NFIB: variants seen among roughly 807,000 people sequenced by gnomAD.
The protein encoded by NFIB is nuclear factor I B.
In NFIB, 11 loss-of-function variants were observed where a neutral mutation model predicts 61.5. The observed-to-expected ratio is 0.18, with a 90% CI of 0.11 to 0.30. NFIB has a LOEUF of 0.30. Ranked by LOEUF, NFIB falls within the 10% of genes least tolerant of loss-of-function variation. The pLI is 1.00. For synonymous variants in NFIB, 260 were observed against 216.5 expected (o/e 1.20, Z -1.76); for missense variants, 471 against 608.9 (o/e 0.77, Z 2.38).
intron 1 of NFIB, among the ~76,000 whole-genome samples, chr9:14,365,624 A>C (rs1310839923): frequency 6.6e-6 from 1 of 152,210 alleles, no homozygotes; most frequent in Non-Finnish European, 1.5e-5. Context: ...TCAGAAATAG[A>C]TTCTTATACC....
At chr9:14,424,717 G>A in the NFIB span, among the ~76,000 whole-genome samples, 25 of 152,282 alleles carry the variant, frequency 1.6e-4, no homozygotes, top group African/African-American at 6.0e-4. Flanking sequence ...TCCGAGGGCG[G>A]GTTCTTGACA....
the NFIB span, among the ~76,000 whole-genome samples, chr9:14,526,301 A>G: frequency 9.3e-3 from 1,411 of 152,310 alleles, 27 homozygotes; most frequent in African/African-American, 0.033. Flanking sequence ...TGTTTATTAC[A>G]TGATATGTTA....
At chr9:14,216,540 CTCCCTCTGTGTGTGTGTGTGTGTGTG>C (rs2050934535) in intron 2 of NFIB, among the ~76,000 whole-genome samples, 1 of 29,346 alleles carries the variant, frequency 3.4e-5, no homozygotes, top group East Asian at 7.3e-4. Flanking sequence ...CTCTCTCTCT[CTCCCTCTGTGTGTGTGTGTGTGTGTG>C]TGTGTGTGTG....
At chr9:14,525,619 T>G in the NFIB span, among the ~76,000 whole-genome samples, 1 of 152,174 alleles carries the variant, frequency 6.6e-6, no homozygotes, top group African/African-American at 2.4e-5. Flanking sequence ...TGATGAAAAT[T>G]AAGCTAATGT....
At chr9:14,211,517 T>A (rs1253575157) in intron 2 of NFIB, among the ~76,000 whole-genome samples, 5 of 152,188 alleles carry the variant, frequency 3.3e-5, no homozygotes, top group African/African-American at 1.2e-4. Flanking sequence ...CTTTGACCAC[T>A]CCCATTGTCT....
At chr9:14,209,756 G>C (rs961274362) in intron 2 of NFIB, among the ~76,000 whole-genome samples, 3 of 152,128 alleles carry the variant, frequency 2.0e-5, no homozygotes, top group Non-Finnish European at 2.9e-5. Context: ...AAAGAGCAGA[G>C]GACTACAAGT....
chr9:14,179,864 T>C (rs964142773), intron 2 of NFIB, 84 bp from the exon 3 acceptor site: 1 of 1,393,848 alleles, frequency 7.2e-7, no homozygotes, highest in Non-Finnish European at 9.8e-7. Context: ...AAAAAAAAAT[T>C]TGAAGGTATA....
the NFIB span, among the ~76,000 whole-genome samples, chr9:14,473,507 T>A: frequency 2.0e-5 from 3 of 152,202 alleles, no homozygotes; most frequent in African/African-American, 7.2e-5. Context: ...GGAGCAGGTT[T>A]CTCACGAATG....
chr9:14,446,493 A>T, the NFIB span, among the ~76,000 whole-genome samples: 1 of 152,150 alleles, frequency 6.6e-6, no homozygotes, highest in East Asian at 1.9e-4. Flanking sequence ...TACAGTTCAC[A>T]AATTTTCTTT....
In NFIB at chr9:14,088,726, C is replaced by A. The variant is rs192102511; in HGVS notation, c.1468-400G>T. Among the ~76,000 whole-genome samples the A allele has an allele frequency of 8.5e-4, 129 of 152,222 alleles. 1 individual carries two copies. Among genetic ancestry groups the A allele is most frequent in the African/African-American group, 3.0e-3 (124 of 41,548 alleles). The stretch of plus-strand genomic sequence containing the variant: ...ACCAATATACTTTGCCAGTTACATT[C>A]TAATCTTATTTTACCTTTAATTCAC... On this transcript the variant is annotated intron_variant, in intron 10 of 10. Transcript: ENST00000380953.
chr9:14,363,318 C>T (rs1442046047), intron 1 of NFIB, among the ~76,000 whole-genome samples: 1 of 152,148 alleles, frequency 6.6e-6, no homozygotes, highest in Non-Finnish European at 1.5e-5. Context: ...AAACTGGCTA[C>T]AGTTTTCAGC....
intron 2 of NFIB, among the ~76,000 whole-genome samples, chr9:14,302,457 C>A (rs976164154): frequency 4.6e-5 from 7 of 151,960 alleles, no homozygotes; most frequent in African/African-American, 1.7e-4. Context: ...AAGTGGCCAC[C>A]CAACAAGAGA....
At chr9:14,113,140 T>A (rs2037629326) in intron 9 of NFIB, 59 bp from the exon 10 acceptor site, 2 of 1,452,388 alleles carry the variant, frequency 1.4e-6, no homozygotes, top group East Asian at 5.2e-5. Flanking sequence ...ACGAACACCC[T>A]GTCCATGTAT....
At chr9:14,229,121 T>C (rs1389182391) in intron 2 of NFIB, among the ~76,000 whole-genome samples, 1 of 152,008 alleles carries the variant, frequency 6.6e-6, no homozygotes, top group Non-Finnish European at 1.5e-5. Context: ...CTACATACGA[T>C]TTCATTTTAT....
chr9:14,236,537 G>C (rs1474266941), intron 2 of NFIB, among the ~76,000 whole-genome samples: 1 of 152,182 alleles, frequency 6.6e-6, no homozygotes, highest in African/African-American at 2.4e-5. Flanking sequence ...TGGAATTGTA[G>C]AGCCACTTAA....
intron 1 of NFIB, among the ~76,000 whole-genome samples, chr9:14,319,273 CAACT>C (rs1410610974): frequency 6.6e-6 from 1 of 152,018 alleles, no homozygotes; most frequent in African/African-American, 2.4e-5. Flanking sequence ...ATCTCAACAC[CAACT>C]GAGCCAGATT....
chr9:14,288,822 A>G (rs1456093089), intron 2 of NFIB, among the ~76,000 whole-genome samples: 1 of 151,870 alleles, frequency 6.6e-6, no homozygotes, highest in African/African-American at 2.4e-5. Flanking sequence ...GTTTTTTCCT[A>G]GCTCCTTAAA....
the NFIB span, among the ~76,000 whole-genome samples, chr9:14,501,930 T>C: frequency 1.1e-4 from 17 of 152,294 alleles, no homozygotes; most frequent in East Asian, 3.1e-3. Flanking sequence ...CAGGGTCACC[T>C]GCACTCTTCA....
Position 14,313,029 on chromosome 9 carries a change from G to A in NFIB, c.30+453C>T, listed in dbSNP as rs1055430741. 2.0e-5 allele frequency among the ~76,000 whole-genome samples: 3 copies of A among 152,196 alleles called. No homozygotes were observed. Among genetic ancestry groups the A allele is most frequent in the Non-Finnish European group, 4.4e-5 (3 of 68,034 alleles). ...AGTCCAGCGGCGCCCACACAGACTC[G>A]TGCTACAGTCCCCTCGCCCAAGTTC... On this transcript the variant is annotated intron_variant, in intron 1 of 10. Transcript: ENST00000380953. The surrounding 1 kb of genome is among the most constrained non-coding windows in gnomAD (Gnocchi z 4.5).
Sources: gnomAD v4.1 joint callset for allele counts (sites outside exome capture counted in the v4.1 genomes callset) on GRCh38, gnomAD v4.1.1 for gene constraint, Gnocchi (gnomAD v3.1) non-coding constraint, MANE v1.5 for transcripts, NCBI Gene and HGNC (gene_info 2026-07-23, HGNC 2026-07-21) for gene names.